Variants in C16orf96 observed in about 807,000 individuals in gnomAD.
C16orf96 encodes the protein uncharacterized protein C16orf96.
Under a neutral mutation model 103.6 loss-of-function variants are expected in C16orf96, and 108 were observed. The observed-to-expected ratio is 1.04, with a 90% CI of 0.89 to 1.22. The LOEUF (loss-of-function observed/expected upper bound fraction) is 1.22, where lower values mean the gene tolerates loss of function less well. C16orf96 is among the 50% of genes most tolerant of loss of function. The pLI, the probability that C16orf96 is intolerant of heterozygous loss-of-function variation, is 0.00. For missense variants in C16orf96, 1,586 were observed against 1,464.2 expected, an observed-to-expected ratio of 1.08 and a Z score of -1.36; for synonymous variants, 566 against 593.5, an observed-to-expected ratio of 0.95 and a Z score of 0.67.
At position 4,600,220 on chromosome 16, in the gene C16orf96, A is replaced by AC; in HGVS notation, c.3334dup (p.Gln1112ProfsTer16). Reference sequence around the variant, plus strand: ...CCACCGCTGATTCCATCCCTAAGGGACCCCCAGCAGGCCCCAGGGTCCACC... The same window carrying AC: ...CCACCGCTGATTCCATCCCTAAGGGACCCCCCAGCAGGCCCCAGGGTCCACC... On this transcript the variant is annotated frameshift_variant, in exon 16 of 16. Coordinates refer to ENST00000444310, the MANE Select transcript of C16orf96 (RefSeq NM_001145011.2). LOFTEE classifies it low-confidence loss of function (END_TRUNC). 6.5e-7 allele frequency: 1 copy of AC among 1,550,378 alleles called. No individual in the cohort carries two copies. Among genetic ancestry groups the AC allele is most frequent in the East Asian group, 2.4e-5 (1 of 40,854 alleles).
At chr16:4,539,785 T>C in the C16orf96 span, among the ~76,000 whole-genome samples, 1 of 152,126 alleles carries the variant, frequency 6.6e-6, no homozygotes, top group South Asian at 2.1e-4. Flanking sequence ...AATATCACTA[T>C]TGTAAAACCT....
rs1047503983 is a variant in C16orf96 at position 4,593,391 on chromosome 16, G to A, written c.2867+75G>A. On this transcript the variant is annotated intron_variant, in intron 12 of 15. Transcript: ENST00000444310. This position sits in a 1 kb window ranked among gnomAD's most constrained non-coding sequence, Gnocchi z 4.2. The stretch of plus-strand genomic sequence containing the variant: ...TCTGGAGCCTGGGAACCCTGTTCCT[G>A]CAGAGACACATCCTCCAGGCCCAGG... 1.5e-6 allele frequency: 2 copies of A among 1,359,252 alleles called. No homozygotes were observed. 84.2% of individuals were successfully genotyped at this position (1,359,252 alleles called of 1,614,324 possible).
intron 2 of C16orf96, among the ~76,000 whole-genome samples, chr16:4,572,931 T>C (rs775151503): frequency 6.6e-6 from 1 of 152,058 alleles, no homozygotes; most frequent in Non-Finnish European, 1.5e-5. Context: ...TGAAGCCAGC[T>C]CTCCACACCC....
chr16:4,586,569 A>G lies in C16orf96; in HGVS notation c.2353-470A>G, dbSNP rs1896932785. Among the ~76,000 whole-genome samples, 2 of 152,138 alleles carry G rather than the reference A, an allele frequency of 1.3e-5. 1 individual carries two copies. The highest frequency in any genetic ancestry group is 4.1e-4 in the South Asian group (2 of 4,828). On this transcript the variant is annotated intron_variant, in intron 7 of 15. Coordinates refer to ENST00000444310, the MANE Select transcript of C16orf96 (RefSeq NM_001145011.2). ...AGTAATTGGAGAGAGGGTGGAATTCATGGGGGCAGTTGGTTCTTTGTGGAG... is the reference window on the plus strand; with the variant it reads ...AGTAATTGGAGAGAGGGTGGAATTCGTGGGGGCAGTTGGTTCTTTGTGGAG...
chr16:4,587,209 C>A, intron 8 of C16orf96, 96 bp downstream of exon 8: 1 of 1,190,706 alleles, frequency 8.4e-7, no homozygotes, highest in Non-Finnish European at 1.2e-6. Context: ...CCAGAATTTC[C>A]CTCCCCCTTT....
Position 4,593,173 on chromosome 16 carries a change from C to T in C16orf96, c.2775-51C>T, listed in dbSNP as rs1897097404. On this transcript the variant is annotated intron_variant, in intron 11 of 15. Transcript: ENST00000444310. The surrounding 1 kb of genome is among the most constrained non-coding windows in gnomAD (Gnocchi z 4.2). ...GGAGGGGTGGGAGACGAGCCCTCTGCTGGCCTAGCACGCCTCCCACAGCCC... is the reference window on the plus strand; with the variant it reads ...GGAGGGGTGGGAGACGAGCCCTCTGTTGGCCTAGCACGCCTCCCACAGCCC... The T allele has an allele frequency of 2.0e-6, 3 of 1,509,064 alleles. No homozygotes were observed. In the Admixed American group the frequency reaches 5.9e-5, roughly 30 times the overall value. The allele number at this position is 1,509,064 out of a possible 1,614,324, so 93.5% of individuals were successfully genotyped here.
At chr16:4,551,268 A>T in the C16orf96 span, among the ~76,000 whole-genome samples, 1 of 151,918 alleles carries the variant, frequency 6.6e-6, no homozygotes, top group African/African-American at 2.4e-5. Context: ...ACCCTATCTC[A>T]AAAAAAAGAA....
rs1191108880 is a variant in C16orf96 at position 4,588,211 on chromosome 16, C to T, written c.2472C>T (p.Asp824=). The change falls in exon 9 of 16, where the codon GAC becomes GAT. Residue 824 remains aspartate (D), a synonymous_variant. Transcript: ENST00000444310. ...SALAGKASRV[D]LETVALELNE... ...TGGCAGGCAAGGCAAGCCGCGTTGA[C>T]CTGGAGACTGTGGCCTTGGAGCTGA... 6.4e-7 allele frequency: 1 copy of T among 1,551,658 alleles called. No homozygotes were observed. The highest frequency in any genetic ancestry group is 1.2e-5 in the South Asian group (1 of 84,062).
At position 4,599,319 on chromosome 16, in the gene C16orf96, T is replaced by G; in HGVS notation, c.3163T>G (p.Tyr1055Asp). 6.4e-7 allele frequency: 1 copy of G among 1,551,684 alleles called. No homozygotes were observed. The highest frequency in any genetic ancestry group is 8.7e-7 in the Non-Finnish European group (1 of 1,146,970). The change falls in exon 15 of 16, where the codon TAT becomes GAT. Residue 1055 changes from tyrosine (Y) to aspartate (D), a missense_variant. Physicochemically the swap from Tyr to Asp is radical, Grantham distance 160. Transcript: ENST00000444310. ...TCCATCTCCCCCGTCACAAAGCCTGTATGACCGTGTGCACTCCAGTGCCCT... is the reference window on the plus strand; with the variant it reads ...TCCATCTCCCCCGTCACAAAGCCTGGATGACCGTGTGCACTCCAGTGCCCT... ...KAPSPPSQSLYDRVHSSALFG... is the reference protein window; with the variant it reads ...KAPSPPSQSLDDRVHSSALFG...
the C16orf96 span, among the ~76,000 whole-genome samples, chr16:4,549,279 C>T: frequency 3.3e-5 from 5 of 151,904 alleles, no homozygotes; most frequent in African/African-American, 7.3e-5. Flanking sequence ...TCAAGACCAT[C>T]CAGGCTAACA....
At chr16:4,564,760 G>A (rs2059369656) in intron 1 of C16orf96, among the ~76,000 whole-genome samples, 1 of 152,192 alleles carries the variant, frequency 6.6e-6, no homozygotes, top group Non-Finnish European at 1.5e-5. Context: ...TCAGTGAACC[G>A]AGATCGCGCC....
At chr16:4,580,702 TG>T (rs1190482593) in intron 7 of C16orf96, among the ~76,000 whole-genome samples, 3 of 151,974 alleles carry the variant, frequency 2.0e-5, no homozygotes, top group Non-Finnish European at 2.9e-5. Context: ...AAAATTTAGC[TG>T]GGACTGGGCG....
upstream of C16orf96, among the ~76,000 whole-genome samples, chr16:4,553,021 A>G (rs1382481883): frequency 6.6e-6 from 1 of 152,188 alleles, no homozygotes; most frequent in Non-Finnish European, 1.5e-5. Flanking sequence ...TTCTGATACT[A>G]GAAAGACAGA....
At chr16:4,596,863 C>T (rs1897184120) in intron 14 of C16orf96, among the ~76,000 whole-genome samples, 1 of 152,206 alleles carries the variant, frequency 6.6e-6, no homozygotes, top group South Asian at 2.1e-4. Context: ...CCTGTCTCTT[C>T]AGCTTCTGGG....
intron 5 of C16orf96, among the ~76,000 whole-genome samples, chr16:4,578,408 G>A (rs2059540074): frequency 6.6e-6 from 1 of 151,992 alleles, no homozygotes; most frequent in Non-Finnish European, 1.5e-5. Flanking sequence ...CTCCCACAGT[G>A]TTGGGAGTAC....
chr16:4,588,852 C>T (rs145821602), intron 9 of C16orf96, among the ~76,000 whole-genome samples: 3 of 152,192 alleles, frequency 2.0e-5, no homozygotes, highest in East Asian at 1.9e-4. Flanking sequence ...CGCTGCTGCT[C>T]ATGGTGGAGC....
chr16:4,570,531 C>G (rs556913039), intron 1 of C16orf96, among the ~76,000 whole-genome samples: 76 of 140,636 alleles, frequency 5.4e-4, no homozygotes, highest in African/African-American at 1.8e-3. Flanking sequence ...GTGGTGCGAT[C>G]TTGGCTCACT....
In C16orf96 at chr16:4,576,217, C is replaced by T. The variant is rs1294032457; in HGVS notation, c.1737C>T (p.Ala579=). Residue 579 remains alanine, a synonymous_variant, in exon 5 of 16, where the codon GCC becomes GCT. Coordinates refer to ENST00000444310, the MANE Select transcript of C16orf96 (RefSeq NM_001145011.2). ...AIAAAAAAAY[A]AATSSAAQAA... is the part of the protein sequence containing the mutation. ...CCGCCGCTGCCGCCGCAGCCTACGC[C>T]GCTGCCACATCCTCCGCTGCCCAGG... 1.5e-5 allele frequency: 23 copies of T among 1,550,636 alleles called. No homozygotes were observed. The highest frequency in any genetic ancestry group is 9.8e-5 in the Admixed American group (5 of 50,974).
At chr16:4,562,339 G>A (rs965333072) in intron 1 of C16orf96, among the ~76,000 whole-genome samples, 10 of 151,996 alleles carry the variant, frequency 6.6e-5, no homozygotes, top group Admixed American at 3.9e-4. Flanking sequence ...GGCTGGGCAT[G>A]GTGGTGCACC....
Sources: allele counts gnomAD v4.1 joint callset (sites outside exome capture counted in the v4.1 genomes callset), GRCh38; gene constraint gnomAD v4.1.1; non-coding constraint Gnocchi (gnomAD v3.1); transcripts MANE v1.5; gene names NCBI Gene and HGNC (gene_info 2026-07-23, HGNC 2026-07-21).